Variants in IL1RAPL1 observed in about 807,000 individuals in gnomAD.
IL1RAPL1 encodes the protein interleukin 1 receptor accessory protein like 1, also known as interleukin-1 receptor accessory protein-like 1.
In IL1RAPL1, 3 loss-of-function variants were observed where a neutral mutation model predicts 48.4. The ratio of observed to expected loss-of-function variants is 0.06; its 90% CI spans 0.03 to 0.16. IL1RAPL1 has a LOEUF of 0.16. IL1RAPL1 is among the 10% of genes least tolerant of loss of function. IL1RAPL1 has a pLI of 1.00. For missense variants in IL1RAPL1, 349 were observed against 530.6 expected, an observed-to-expected ratio of 0.66 and a Z score of 3.36; for synonymous variants, 185 against 187.7, an observed-to-expected ratio of 0.99 and a Z score of 0.12.
chrX:29,175,475 T>G (rs1172469996), intron 2 of IL1RAPL1, among the ~76,000 whole-genome samples: 1 of 111,341 alleles, frequency 9.0e-6, no homozygotes, highest in Non-Finnish European at 1.9e-5. Context: ...TACTGCCCTC[T>G]GGAGTTTTCC....
At chrX:29,576,227 T>C (rs922479805) in intron 5 of IL1RAPL1, among the ~76,000 whole-genome samples, 1 of 111,885 alleles carries the variant, frequency 8.9e-6, no homozygotes, top group Non-Finnish European at 1.9e-5. Context: ...GTTAGGGTCC[T>C]GTAATCTTCT....
At chrX:28,893,452 C>T (rs1922825452) in intron 2 of IL1RAPL1, among the ~76,000 whole-genome samples, 1 of 111,395 alleles carries the variant, frequency 9.0e-6, no homozygotes, top group South Asian at 3.8e-4. Context: ...ATTATGTCTG[C>T]CAGAAAGGAA....
intron 2 of IL1RAPL1, among the ~76,000 whole-genome samples, chrX:29,234,775 A>G (rs1931260567): frequency 8.9e-6 from 1 of 112,347 alleles, no homozygotes; most frequent in Non-Finnish European, 1.9e-5. Flanking sequence ...GACTTTACTA[A>G]GCTTCGGTTT....
rs1936809123 is a variant in IL1RAPL1 at position 28,812,850 on chromosome X, C to T, written c.82+23425C>T. Among the ~76,000 whole-genome samples, 5 of 110,625 alleles carry T rather than the reference C, an allele frequency of 4.5e-5. No individual in the cohort carries two copies. In the South Asian group the frequency reaches 1.9e-3, roughly 41 times the overall value. On this transcript the variant is annotated intron_variant, in intron 2 of 10. Coordinates refer to ENST00000378993, the MANE Select transcript of IL1RAPL1 (RefSeq NM_014271.4). ...TGTCTCCTCAGGCACATTCTGTTAA[C>T]TCTTCCTACCACACTTGTCACATTA...
At position 29,582,285 on chromosome X, in the gene IL1RAPL1, CAATT is replaced by C. The variant is rs1451653611; in HGVS notation, c.704-86132_704-86129del. Among the ~76,000 whole-genome samples, 91 of 110,333 alleles carry C rather than the reference CAATT, an allele frequency of 8.2e-4. 1 individual carries two copies. The highest frequency in any genetic ancestry group is 2.5e-3 in the African/African-American group (77 of 30,471). On this transcript the variant is annotated intron_variant, in intron 5 of 10. Coordinates refer to ENST00000378993, the MANE Select transcript of IL1RAPL1 (RefSeq NM_014271.4). ...AGAAATTGGAAACTATGTAATTAAT[CAATT>C]AATTAATTAATTTTTGGTATACAAA...
rs1295103994 is a variant in IL1RAPL1 at position 28,841,787 on chromosome X, C to G, written c.82+52362C>G. 2.5e-4 allele frequency among the ~76,000 whole-genome samples: 28 copies of G among 110,583 alleles called. No individual in the cohort carries two copies. The Admixed American group carries it at 2.6e-3, about 10-fold the overall frequency. On this transcript the variant is annotated intron_variant, in intron 2 of 10. Transcript: ENST00000378993. ...TGGTTTCTGTATGGTGTATTTTATCCAGGACTGGCTTATAGATTATTTAAG... is the reference window on the plus strand; with the variant it reads ...TGGTTTCTGTATGGTGTATTTTATCGAGGACTGGCTTATAGATTATTTAAG...
At chrX:29,836,443 C>A (rs1320577747) in intron 6 of IL1RAPL1, among the ~76,000 whole-genome samples, 1 of 111,579 alleles carries the variant, frequency 9.0e-6, no homozygotes, top group African/African-American at 3.3e-5. Flanking sequence ...CCCGCCTTGG[C>A]CTCCCAAAGT....
chrX:29,105,382 A>G (rs990017510), intron 2 of IL1RAPL1, among the ~76,000 whole-genome samples: 2 of 112,164 alleles, frequency 1.8e-5, no homozygotes, highest in Non-Finnish European at 3.8e-5. Context: ...ATGAAACTTT[A>G]CACAGATAAT....
chrX:29,902,926 C>T (rs2147227572), intron 6 of IL1RAPL1, among the ~76,000 whole-genome samples: 1 of 111,314 alleles, frequency 9.0e-6, no homozygotes, highest in African/African-American at 3.3e-5. Flanking sequence ...GATTTTGTCT[C>T]CTTGAAATTT....
At chrX:29,175,306 C>T (rs1262679397) in intron 2 of IL1RAPL1, among the ~76,000 whole-genome samples, 2 of 111,252 alleles carry the variant, frequency 1.8e-5, no homozygotes, top group African/African-American at 6.5e-5. Flanking sequence ...TTTCCACTGC[C>T]TTATTGCAAA....
chrX:28,900,873 T>C (rs887529408), intron 2 of IL1RAPL1, among the ~76,000 whole-genome samples: 1 of 112,087 alleles, frequency 8.9e-6, no homozygotes. Flanking sequence ...CAGTAGTCTG[T>C]TAGTGAAGAG....
At chrX:28,658,265 T>G (rs1387034154) in intron 1 of IL1RAPL1, among the ~76,000 whole-genome samples, 2 of 112,528 alleles carry the variant, frequency 1.8e-5, no homozygotes, top group African/African-American at 3.2e-5. Flanking sequence ...TTGCCCAGGC[T>G]GGAGTGCAGA....
At chrX:29,781,408 C>T (rs1437703070) in intron 6 of IL1RAPL1, among the ~76,000 whole-genome samples, 1 of 111,515 alleles carries the variant, frequency 9.0e-6, no homozygotes, top group Admixed American at 9.5e-5. Context: ...ATAGGCAGCC[C>T]AAAAGCCAGA....
intron 5 of IL1RAPL1, among the ~76,000 whole-genome samples, chrX:29,467,356 C>T (rs1297406180): frequency 8.9e-6 from 1 of 112,754 alleles, no homozygotes; most frequent in Non-Finnish European, 1.9e-5. Context: ...CTCATTCTCT[C>T]TTTTGAAGAA....
In IL1RAPL1 at chrX:29,081,660, A is replaced by T. The variant is rs562920672; in HGVS notation, c.83-201278A>T. Among the ~76,000 whole-genome samples the T allele has an allele frequency of 2.7e-5, 3 of 111,882 alleles. No individual in the cohort carries two copies. In the South Asian group the frequency reaches 1.1e-3, roughly 42 times the overall value. On this transcript the variant is annotated intron_variant, in intron 2 of 10. Transcript: ENST00000378993. Reference sequence around the variant, plus strand: ...CTCACTTTTTAAGAGGAAATTGTTAATATTTTTGAGTCATTGACTGCCTTT... The same window carrying T: ...CTCACTTTTTAAGAGGAAATTGTTATTATTTTTGAGTCATTGACTGCCTTT...
intron 2 of IL1RAPL1, among the ~76,000 whole-genome samples, chrX:29,187,154 G>A (rs1490536057): frequency 8.9e-6 from 1 of 112,192 alleles, no homozygotes; most frequent in African/African-American, 3.2e-5. Flanking sequence ...AACTTGTTCT[G>A]TATAACAACA....
chrX:29,785,339 C>G (rs1338128531), intron 6 of IL1RAPL1, among the ~76,000 whole-genome samples: 1 of 112,372 alleles, frequency 8.9e-6, no homozygotes, highest in Non-Finnish European at 1.9e-5. Context: ...ATCTGAAAGA[C>G]TGGTCATACC....
intron 6 of IL1RAPL1, among the ~76,000 whole-genome samples, chrX:29,791,957 C>T (rs1929648367): frequency 9.1e-6 from 1 of 109,525 alleles, no homozygotes; most frequent in South Asian, 4.0e-4. Context: ...GTCTTGAACT[C>T]CTGGCTCAAG....
intron 5 of IL1RAPL1, among the ~76,000 whole-genome samples, chrX:29,663,769 T>C (rs1696886077): frequency 8.9e-6 from 1 of 112,281 alleles, no homozygotes; most frequent in Non-Finnish European, 1.9e-5. Context: ...TTTGATCCTT[T>C]GGTTGGATGT....
Sources: gnomAD v4.1 joint callset for allele counts (sites outside exome capture counted in the v4.1 genomes callset) on GRCh38, gnomAD v4.1.1 for gene constraint, MANE v1.5 for transcripts, NCBI Gene and HGNC (gene_info 2026-07-23, HGNC 2026-07-21) for gene names.